MAP2K6: variants seen among roughly 807,000 people sequenced by gnomAD.
MAP2K6 encodes the protein dual specificity mitogen-activated protein kinase kinase 6.
In MAP2K6, 16 loss-of-function variants were observed where a neutral mutation model predicts 53.7. The ratio of observed to expected loss-of-function variants is 0.30; its 90% confidence interval spans 0.20 to 0.45. MAP2K6 has a LOEUF of 0.45. MAP2K6 is among the 20% of genes least tolerant of loss of function. MAP2K6 has a pLI of 1.00. For missense variants in MAP2K6, 204 were observed against 411.9 expected (o/e 0.50, Z 4.37); for synonymous variants, 132 against 143.1 (o/e 0.92, Z 0.55).
intron 1 of MAP2K6, among the ~76,000 whole-genome samples, chr17:69,475,469 T>A (rs1345556803): frequency 2.0e-5 from 3 of 152,038 alleles, no homozygotes; most frequent in African/African-American, 7.3e-5. Context: ...CGCCCGGCCC[T>A]GTGTTTGTTT....
chr17:69,447,669 A>G (rs559332387), intron 1 of MAP2K6, among the ~76,000 whole-genome samples: 1 of 152,334 alleles, frequency 6.6e-6, no homozygotes, highest in East Asian at 1.9e-4. Context: ...TGATGATTGC[A>G]TGGAAGGCAG....
intron 3 of MAP2K6, 22 bp downstream of exon 3, chr17:69,516,925 C>T (rs754679096): frequency 4.2e-5 from 65 of 1,554,802 alleles, no homozygotes; most frequent in African/African-American, 6.8e-5. Context: ...TCATGTCTGC[C>T]ACCTAATACG....
intron 1 of MAP2K6, among the ~76,000 whole-genome samples, chr17:69,498,217 G>A (rs1226294643): frequency 6.6e-6 from 1 of 152,192 alleles, no homozygotes; most frequent in Non-Finnish European, 1.5e-5. Flanking sequence ...CTGGTGGGTT[G>A]TGGGGGATGT....
intron 1 of MAP2K6, among the ~76,000 whole-genome samples, chr17:69,436,944 C>T (rs913393171): frequency 2.0e-5 from 3 of 152,112 alleles, no homozygotes; most frequent in African/African-American, 7.2e-5. Context: ...CCTGCCTCAG[C>T]CTCCCAAGTA....
rs1473337451 is a variant in MAP2K6 at position 69,524,891 on chromosome 17, T to C, written c.664-10T>C. 5.6e-6 allele frequency: 9 copies of C among 1,609,100 alleles called. No individual in the cohort carries two copies. The highest frequency in any genetic ancestry group is 7.7e-6 in the Non-Finnish European group (9 of 1,175,766). On this transcript the variant is annotated splice_polypyrimidine_tract_variant and intron_variant, in intron 8 of 11. Coordinates refer to ENST00000590474, the MANE Select transcript of MAP2K6 (RefSeq NM_002758.4). ...CTTCCCAGTTTCTCAGTTGTCTGTC[T>C]TCTTTCCAGCCTGAAAGAATAAACC...
rs918036779 is a variant in MAP2K6, at chr17:69,494,668, A to G, written c.17-11112A>G. 2.6e-5 allele frequency among the ~76,000 whole-genome samples: 4 copies of G among 151,908 alleles called. No individual in the cohort carries two copies. In the South Asian group the frequency reaches 8.3e-4, roughly 32 times the overall value. Reference sequence around the variant, plus strand: ...AGCAGCTGGTTGAATTAAAGTTACTATCTTGGAGTTTCCTTTGGTTAAAAG... The same window carrying G: ...AGCAGCTGGTTGAATTAAAGTTACTGTCTTGGAGTTTCCTTTGGTTAAAAG... On this transcript the variant is annotated intron_variant, in intron 1 of 11. Transcript: ENST00000590474. The surrounding 1 kb of genome is among the most constrained non-coding windows in gnomAD (Gnocchi z 4.2).
chr17:69,480,626 C>T (rs907269868), intron 1 of MAP2K6, among the ~76,000 whole-genome samples: 1 of 152,096 alleles, frequency 6.6e-6, no homozygotes, highest in African/African-American at 2.4e-5. Flanking sequence ...AGCTATAGTG[C>T]CATCAGGAAT....
At chr17:69,529,853 C>T (rs185890313) in intron 10 of MAP2K6, among the ~76,000 whole-genome samples, 1 of 152,112 alleles carries the variant, frequency 6.6e-6, no homozygotes, top group Non-Finnish European at 1.5e-5. Flanking sequence ...ATGGAAGTTC[C>T]AGATACCGGC....
At chr17:69,505,522 T>G in intron 1 of MAP2K6, 2 of 307,020 alleles carry the variant, frequency 6.5e-6, no homozygotes, top group Non-Finnish European at 6.1e-6. Flanking sequence ...GAAAAGAGAG[T>G]TGGCATTCTC....
chr17:69,431,473 C>T (rs1273123636), intron 1 of MAP2K6, among the ~76,000 whole-genome samples: 2 of 151,844 alleles, frequency 1.3e-5, no homozygotes, highest in East Asian at 3.9e-4. Flanking sequence ...TGCCTGTGAC[C>T]CAGGAGGAGT....
At chr17:69,445,972 A>G (rs888131806) in intron 1 of MAP2K6, among the ~76,000 whole-genome samples, 5 of 152,194 alleles carry the variant, frequency 3.3e-5, no homozygotes, top group South Asian at 2.1e-4. Flanking sequence ...ATTTACTTCA[A>G]TTTATTAAAA....
chr17:69,535,378 A>G (rs537621356), intron 10 of MAP2K6, among the ~76,000 whole-genome samples: 35 of 152,226 alleles, frequency 2.3e-4, no homozygotes, highest in African/African-American at 8.2e-4. Context: ...GGATCACTTG[A>G]GCCTAAGACT....
intron 1 of MAP2K6, among the ~76,000 whole-genome samples, chr17:69,449,013 A>G (rs1278234080): frequency 6.6e-6 from 1 of 152,234 alleles, no homozygotes; most frequent in East Asian, 1.9e-4. Flanking sequence ...CAGTCTTTGA[A>G]AGGGATACTA....
At chr17:69,465,694 A>G (rs1907774436) in intron 1 of MAP2K6, among the ~76,000 whole-genome samples, 1 of 150,204 alleles carries the variant, frequency 6.7e-6, no homozygotes, top group Non-Finnish European at 1.5e-5. Context: ...ATCTCGGCTC[A>G]CTGCAACCCC....
chr17:69,476,010 G>C (rs1284759194), intron 1 of MAP2K6, among the ~76,000 whole-genome samples: 2 of 152,136 alleles, frequency 1.3e-5, no homozygotes, highest in Non-Finnish European at 2.9e-5. Context: ...TGTATAATAA[G>C]GTTGAGCAAA....
chr17:69,466,227 G>T (rs1304381421), intron 1 of MAP2K6, among the ~76,000 whole-genome samples: 2 of 150,972 alleles, frequency 1.3e-5, no homozygotes, highest in Non-Finnish European at 3.0e-5. Flanking sequence ...AGGAGGCGGA[G>T]GTTGCAGTGA....
intron 1 of MAP2K6, among the ~76,000 whole-genome samples, chr17:69,475,470 G>A (rs543534664): frequency 7.2e-5 from 11 of 152,134 alleles, no homozygotes; most frequent in African/African-American, 2.7e-4. Context: ...GCCCGGCCCT[G>A]TGTTTGTTTA....
chr17:69,426,121 G>A (rs918532527), intron 1 of MAP2K6, among the ~76,000 whole-genome samples: 4 of 152,164 alleles, frequency 2.6e-5, no homozygotes, highest in Admixed American at 6.5e-5. Context: ...CAACTCTTGG[G>A]CTCAAACATC....
At position 69,531,778 on chromosome 17, in the gene MAP2K6, A is replaced by G. The variant is rs922938189; in HGVS notation, c.882-4337A>G. ...GAGATTTTCTTCCTCTTTTTCCTAT[A>G]TATCTCTTTCTTATCGTAGGGGTTT... is the stretch of plus-strand genomic sequence containing the variant. On this transcript the variant is annotated intron_variant, in intron 10 of 11. Transcript: ENST00000590474. Among the ~76,000 whole-genome samples, 5 of 152,108 alleles carry G rather than the reference A, an allele frequency of 3.3e-5. 1 individual carries two copies. The highest frequency in any genetic ancestry group is 4.1e-4 in the South Asian group (2 of 4,828).
Sources: allele counts gnomAD v4.1 joint callset (sites outside exome capture counted in the v4.1 genomes callset), GRCh38; gene constraint gnomAD v4.1.1; non-coding constraint Gnocchi (gnomAD v3.1); transcripts MANE v1.5; gene names NCBI Gene and HGNC (gene_info 2026-07-23, HGNC 2026-07-21).